MAPKAPK5: variants seen among roughly 807,000 people sequenced by gnomAD.
MAPKAPK5 encodes MAPK activated protein kinase 5.
Under a neutral mutation model 65.1 loss-of-function variants are expected in MAPKAPK5, and 30 were observed. The ratio of observed to expected loss-of-function variants is 0.46; its 90% CI spans 0.34 to 0.63. The LOEUF (loss-of-function observed/expected upper bound fraction) is 0.63, where lower values mean the gene tolerates loss of function less well. Among genes scored for constraint, MAPKAPK5 ranks in the 20% least tolerant of loss-of-function variants. MAPKAPK5 has a pLI of 0.01. For missense variants in MAPKAPK5, 433 were observed against 581.4 expected, an observed-to-expected ratio of 0.74 and a Z score of 2.63; for synonymous variants, 179 against 204.6, an observed-to-expected ratio of 0.87 and a Z score of 1.07.
chr12:111,842,278 C>G lies in MAPKAPK5; in HGVS notation c.-456C>G, dbSNP rs2068739036. 1 of 148,674 alleles carries G rather than the reference C, an allele frequency of 6.7e-6. No individual in the cohort carries two copies. Among genetic ancestry groups the G allele is most frequent in the South Asian group, 2.0e-4 (1 of 5,014 alleles). The allele number at this position is 148,674 out of a possible 1,614,324, so 9.2% of individuals were successfully genotyped here. On this transcript the variant is annotated 5_prime_UTR_variant, in exon 1 of 14. Transcript: ENST00000550735. ...CGGCGGCGGGAGCAGCGGCGCCGAGCTCTGCTTCGGCTTCGGCTTCGGCTT... is the reference window on the plus strand; with the variant it reads ...CGGCGGCGGGAGCAGCGGCGCCGAGGTCTGCTTCGGCTTCGGCTTCGGCTT...
intron 1 of MAPKAPK5, among the ~76,000 whole-genome samples, chr12:111,861,363 C>T (rs988927973): frequency 6.6e-6 from 1 of 151,138 alleles, no homozygotes; most frequent in Non-Finnish European, 1.5e-5. Flanking sequence ...TGGAGTCTCA[C>T]TCTGTCACAG....
chr12:111,891,906 C>G (rs1467948090), intron 13 of MAPKAPK5, among the ~76,000 whole-genome samples: 1 of 152,054 alleles, frequency 6.6e-6, no homozygotes, highest in African/African-American at 2.4e-5. Flanking sequence ...AAAGTGAACA[C>G]TCCTCTGTAA....
intron 5 of MAPKAPK5, 153 bp downstream of exon 5, chr12:111,869,014 A>G (rs1325005563): frequency 2.2e-5 from 14 of 638,602 alleles, no homozygotes; most frequent in Non-Finnish European, 3.5e-5. Context: ...TTTTGACAGG[A>G]GAAATGTGAC....
At chr12:111,876,776 C>A (rs1212159840) in intron 7 of MAPKAPK5, among the ~76,000 whole-genome samples, 1 of 151,528 alleles carries the variant, frequency 6.6e-6, no homozygotes, top group African/African-American at 2.4e-5. Flanking sequence ...TCTGCTTTCC[C>A]TTCCCTTCTT....
chr12:111,852,445 T>TA (rs1486334221), intron 1 of MAPKAPK5, among the ~76,000 whole-genome samples: 3 of 152,214 alleles, frequency 2.0e-5, no homozygotes, highest in Non-Finnish European at 2.9e-5. Flanking sequence ...TGTTTTCTCT[T>TA]ATGATTTTCT....
intron 7 of MAPKAPK5, among the ~76,000 whole-genome samples, chr12:111,875,603 G>A (rs538884528): frequency 6.6e-6 from 1 of 152,026 alleles, no homozygotes; most frequent in Non-Finnish European, 1.5e-5. Flanking sequence ...TGTTGGGCAG[G>A]ACCTGTGTTC....
rs968462122 is a variant in MAPKAPK5 at position 111,895,364 on chromosome 12, G to C, written c.*2303G>C. ...GATCCGCCCACCTCAGCCTCCAAAA[G>C]TGCTGGGATTACAGGTGTGAGCCAC... On this transcript the variant is annotated 3_prime_UTR_variant, in exon 14 of 14. Transcript: ENST00000550735. The C allele has an allele frequency of 6.6e-6, 1 of 152,106 alleles. No homozygotes were observed. The highest frequency in any genetic ancestry group is 1.5e-5 in the Non-Finnish European group (1 of 68,080). 9.4% of individuals were successfully genotyped at this position (152,106 alleles called of 1,614,324 possible).
chr12:111,898,754 T>C lies in MAPKAPK5; in HGVS notation c.*5693T>C, dbSNP rs957769756. 13 of 152,160 alleles carry C rather than the reference T, an allele frequency of 8.5e-5. No homozygotes were observed. Among genetic ancestry groups the C allele is most frequent in the African/African-American group, 2.9e-4 (12 of 41,446 alleles). The allele number at this position is 152,160 out of a possible 1,614,324, so 9.4% of individuals were successfully genotyped here. ...AGAGCTGAACTGATAAATGGTACCC[T>C]GAAAACTGCAGAAATGAGGGAAAGA... is the stretch of plus-strand genomic sequence containing the variant. On this transcript the variant is annotated 3_prime_UTR_variant, in exon 14 of 14. Coordinates refer to ENST00000550735, the MANE Select transcript of MAPKAPK5 (RefSeq NM_003668.4).
At chr12:111,887,872 A>G (rs1456998263) in intron 10 of MAPKAPK5, 1 of 153,048 alleles carries the variant, frequency 6.5e-6, no homozygotes, top group South Asian at 2.1e-4. Context: ...CCTTCTTTTA[A>G]AGTACAAAAA....
At chr12:111,879,381 G>C (rs554879227) in intron 7 of MAPKAPK5, 1 of 148,088 alleles carries the variant, frequency 6.8e-6, no homozygotes, top group East Asian at 2.0e-4. Context: ...GGAGACTTTA[G>C]AGTAGGTTTT....
At chr12:111,866,486 C>T (rs1209308467) in intron 3 of MAPKAPK5, among the ~76,000 whole-genome samples, 6 of 152,180 alleles carry the variant, frequency 3.9e-5, no homozygotes, top group South Asian at 2.1e-4. Context: ...CTCATGTATT[C>T]AGATTTACCT....
intron 7 of MAPKAPK5, among the ~76,000 whole-genome samples, chr12:111,872,398 A>G (rs1426263967): frequency 6.6e-6 from 1 of 152,082 alleles, no homozygotes; most frequent in African/African-American, 2.4e-5. Flanking sequence ...GTACATGTGT[A>G]TTGGCCATTC....
chr12:111,891,837 A>T (rs2070627146), intron 13 of MAPKAPK5, among the ~76,000 whole-genome samples: 1 of 152,032 alleles, frequency 6.6e-6, no homozygotes, highest in African/African-American at 2.4e-5. Flanking sequence ...AAAAACTTGA[A>T]ATATGTCATT....
At position 111,894,766 on chromosome 12, in the gene MAPKAPK5, A is replaced by ATGTGTGTGTGTGTGTGTGTGTG. The variant is rs1555276322; in HGVS notation, c.*1710_*1731dup. 1 of 146,024 alleles carries ATGTGTGTGTGTGTGTGTGTGTG rather than the reference A, an allele frequency of 6.8e-6. No homozygotes were observed. The highest frequency in any genetic ancestry group is 2.6e-5 in the African/African-American group (1 of 38,398). 9.0% of individuals were successfully genotyped at this position (146,024 alleles called of 1,614,324 possible). Reference sequence around the variant, plus strand: ...CCATAACAAACCAATTTTCGTGTATATGTGTGTGTGTGTGTGTGTGTGTGT... The same window carrying ATGTGTGTGTGTGTGTGTGTGTG: ...CCATAACAAACCAATTTTCGTGTATATGTGTGTGTGTGTGTGTGTGTGTGTGTGTGTGTGTGTGTGTGTGTGT... On this transcript the variant is annotated 3_prime_UTR_variant, in exon 14 of 14. Coordinates refer to ENST00000550735, the MANE Select transcript of MAPKAPK5 (RefSeq NM_003668.4).
intron 13 of MAPKAPK5, 72 bp downstream of exon 13, chr12:111,890,216 T>G: frequency 8.7e-7 from 1 of 1,153,910 alleles, no homozygotes; most frequent in Non-Finnish European, 1.3e-6. Context: ...ATAGGATCTC[T>G]TTGGGGCCTG....
intron 7 of MAPKAPK5, among the ~76,000 whole-genome samples, chr12:111,879,054 G>C (rs780113731): frequency 2.6e-5 from 4 of 152,120 alleles, no homozygotes; most frequent in Admixed American, 6.6e-5. Context: ...CTATAAAAAA[G>C]CCTACTGGGA....
At chr12:111,892,925 C>G in intron 13 of MAPKAPK5, 42 bp from the exon 14 acceptor site, 1 of 1,454,112 alleles carries the variant, frequency 6.9e-7, no homozygotes, top group Middle Eastern at 1.7e-4. Context: ...TGCCACCTCT[C>G]AAAGAATTTG....
chr12:111,876,073 G>C (rs2069953534), intron 7 of MAPKAPK5, among the ~76,000 whole-genome samples: 1 of 151,824 alleles, frequency 6.6e-6, no homozygotes, highest in African/African-American at 2.4e-5. Flanking sequence ...CGGGTGTGGT[G>C]GCAGCCACCT....
rs569331051 is a variant in MAPKAPK5, at chr12:111,899,828, C to T, written c.*6767C>T. The T allele has an allele frequency of 3.9e-5, 17 of 437,156 alleles. No individual in the cohort carries two copies. The highest frequency in any genetic ancestry group is 7.9e-5 in the South Asian group (5 of 63,444). 27.1% of individuals were successfully genotyped at this position (437,156 alleles called of 1,614,324 possible). A position where few individuals can be genotyped will look rare whatever the true frequency, so the allele number is the denominator to read the frequency against. Reference sequence around the variant, plus strand: ...CATTGAGCCCATGGACTCTTCAAGACGGTTTGAACATGTGTTATACACCAT... The same window carrying T: ...CATTGAGCCCATGGACTCTTCAAGATGGTTTGAACATGTGTTATACACCAT... On this transcript the variant is annotated 3_prime_UTR_variant, in exon 14 of 14. Coordinates refer to ENST00000550735, the MANE Select transcript of MAPKAPK5 (RefSeq NM_003668.4).
Sources: gnomAD v4.1 joint callset for allele counts (sites outside exome capture counted in the v4.1 genomes callset) on GRCh38, gnomAD v4.1.1 for gene constraint, MANE v1.5 for transcripts, NCBI Gene and HGNC (gene_info 2026-07-23, HGNC 2026-07-21) for gene names.